The following LRCH3 variants were observed in gnomAD, a reference collection of about 807,000 sequenced individuals.
LRCH3 encodes leucine rich repeats and calponin homology domain containing 3, also known as DISP complex protein LRCH3.
Under a neutral mutation model 104.5 loss-of-function variants are expected in LRCH3, and 68 were observed. The observed-to-expected ratio is 0.65, with a 90% CI of 0.54 to 0.80. The LOEUF (loss-of-function observed/expected upper bound fraction) is 0.80, where lower values mean the gene tolerates loss of function less well. Ranked by LOEUF, LRCH3 falls within the 30% of genes least tolerant of loss-of-function variation. The pLI, the probability that LRCH3 is intolerant of heterozygous loss-of-function variation, is 0.00. For missense variants in LRCH3, 951 were observed against 953.9 expected (o/e 1.00, Z 0.04); for synonymous variants, 344 against 361.3 (o/e 0.95, Z 0.54).
At chr3:197,809,230 A>G (rs1261234927) in intron 1 of LRCH3, among the ~76,000 whole-genome samples, 1 of 151,016 alleles carries the variant, frequency 6.6e-6, no homozygotes, top group African/African-American at 2.4e-5. Context: ...CCCAAGAGGT[A>G]GAGGTTGCAG....
intron 2 of LRCH3, 105 bp downstream of exon 2, chr3:197,815,157 C>A: frequency 1.6e-6 from 1 of 631,398 alleles, no homozygotes; most frequent in Non-Finnish European, 2.5e-6. Flanking sequence ...CTATTCATAT[C>A]AGCAGTTTCT....
At chr3:197,833,694 T>C (rs1736286674) in intron 8 of LRCH3, among the ~76,000 whole-genome samples, 1 of 152,184 alleles carries the variant, frequency 6.6e-6, no homozygotes, top group Non-Finnish European at 1.5e-5. Flanking sequence ...TATTAGACAA[T>C]GTAAAATATT....
chr3:197,872,209 C>T (rs1423134355), intron 19 of LRCH3, among the ~76,000 whole-genome samples: 1 of 151,242 alleles, frequency 6.6e-6, no homozygotes, highest in Admixed American at 6.6e-5. Context: ...ATACAAAAAT[C>T]AGCTGGGTAT....
chr3:197,881,788 T>C, intron 20 of LRCH3: 2 of 985,400 alleles, frequency 2.0e-6, no homozygotes, highest in Non-Finnish European at 2.4e-6. Flanking sequence ...GAAGAGAGAT[T>C]GTGAGGAGCA....
chr3:197,875,925 T>C (rs1282307541), intron 20 of LRCH3, 150 bp downstream of exon 20: 2 of 499,698 alleles, frequency 4.0e-6, no homozygotes, highest in Admixed American at 3.8e-5. Context: ...CAGTGTACTT[T>C]TGAACAGTTT....
At chr3:197,864,905 C>T (rs888185647) in intron 15 of LRCH3, among the ~76,000 whole-genome samples, 2 of 151,742 alleles carry the variant, frequency 1.3e-5, no homozygotes, top group Admixed American at 6.6e-5. Flanking sequence ...CCTGTAGTCT[C>T]AACTACTTGG....
At position 197,847,420 on chromosome 3, in the gene LRCH3, A is replaced by C; in HGVS notation, c.1340A>C (p.Glu447Ala). 6.3e-7 allele frequency: 1 copy of C among 1,598,752 alleles called. No homozygotes were observed. The highest frequency in any genetic ancestry group is 8.5e-7 in the Non-Finnish European group (1 of 1,174,400). ...CTTTTTTGGGTCAGGGTTCCAGCTGAGCCATCTTCCCTCCTGTCACTATCA... is the reference window on the plus strand; with the variant it reads ...CTTTTTTGGGTCAGGGTTCCAGCTGCGCCATCTTCCCTCCTGTCACTATCA... ...RYLHQNRVPA[E>A]PSSLLSLSAS... Residue 447 changes from glutamate to alanine, a missense_variant, in exon 11 of 21, where the codon GAG (glutamate) becomes GCG (alanine). By Grantham distance (107) the Glu-to-Ala change is moderately radical. Transcript: ENST00000425562.
At chr3:197,807,049 A>C (rs1322624827) in intron 1 of LRCH3, among the ~76,000 whole-genome samples, 3 of 150,702 alleles carry the variant, frequency 2.0e-5, no homozygotes, top group African/African-American at 4.9e-5. Context: ...AAAAAAAAAA[A>C]ACAAACAAAC....
intron 18 of LRCH3, among the ~76,000 whole-genome samples, chr3:197,870,989 ATG>A (rs973660470): frequency 3.3e-5 from 5 of 152,132 alleles, no homozygotes; most frequent in Non-Finnish European, 5.9e-5. Context: ...AATAATTTAT[ATG>A]TGTGTGCACA....
chr3:197,808,774 C>G (rs968525691), intron 1 of LRCH3, among the ~76,000 whole-genome samples: 1 of 152,020 alleles, frequency 6.6e-6, no homozygotes, highest in Non-Finnish European at 1.5e-5. Flanking sequence ...CATGGTGGCA[C>G]ATGCCTGTAG....
chr3:197,797,286 G>C (rs561448858), intron 1 of LRCH3, among the ~76,000 whole-genome samples: 7 of 122,604 alleles, frequency 5.7e-5, no homozygotes, highest in African/African-American at 2.2e-4. Context: ...CTGAGATCAC[G>C]CCATTGCACT....
chr3:197,866,300 C>A, intron 17 of LRCH3, 81 bp downstream of exon 17: 2 of 950,054 alleles, frequency 2.1e-6, no homozygotes, highest in Non-Finnish European at 3.4e-6. Context: ...TGCTTTTAAA[C>A]TTCTGCATAT....
chr3:197,840,341 CCTGTAGT>C (rs1354147600), intron 10 of LRCH3, among the ~76,000 whole-genome samples: 1 of 152,156 alleles, frequency 6.6e-6, no homozygotes, highest in Non-Finnish European at 1.5e-5. Context: ...GTGGCACATG[CCTGTAGT>C]CTCCAGGCTG....
intron 1 of LRCH3, among the ~76,000 whole-genome samples, chr3:197,794,978 C>T (rs1731027077): frequency 6.6e-6 from 1 of 151,366 alleles, no homozygotes; most frequent in Non-Finnish European, 1.5e-5. Context: ...GCACTCCAGC[C>T]TGGGTGACAG....
chr3:197,825,408 C>CCTT (rs1168066596), intron 4 of LRCH3, among the ~76,000 whole-genome samples: 3 of 147,174 alleles, frequency 2.0e-5, no homozygotes, highest in Non-Finnish European at 4.5e-5. Flanking sequence ...TTCTCTGTCC[C>CCTT]CTTTTTGAAT....
chr3:197,827,711 C>T (rs552432631), intron 5 of LRCH3, among the ~76,000 whole-genome samples: 1 of 151,910 alleles, frequency 6.6e-6, no homozygotes, highest in African/African-American at 2.4e-5. Flanking sequence ...TAGTTAATTT[C>T]TTAATTTTTT....
chr3:197,879,460 CAT>C (rs1560062862), intron 20 of LRCH3, among the ~76,000 whole-genome samples: 3 of 151,174 alleles, frequency 2.0e-5, no homozygotes, highest in Non-Finnish European at 2.9e-5. Flanking sequence ...TCCTGGCTAA[CAT>C]GGTGAAACCC....
chr3:197,843,206 A>G (rs1282983863), intron 10 of LRCH3, among the ~76,000 whole-genome samples: 1 of 152,202 alleles, frequency 6.6e-6, no homozygotes, highest in African/African-American at 2.4e-5. Context: ...AAGAAGCAAT[A>G]TAGAATTAAC....
chr3:197,841,938 T>C (rs1737864087), intron 10 of LRCH3, among the ~76,000 whole-genome samples: 1 of 152,064 alleles, frequency 6.6e-6, no homozygotes, highest in African/African-American at 2.4e-5. Flanking sequence ...GCTCAAGCAA[T>C]CCTCCCACCT....
Sources: gnomAD v4.1 joint callset for allele counts (sites outside exome capture counted in the v4.1 genomes callset) on GRCh38, gnomAD v4.1.1 for gene constraint, MANE v1.5 for transcripts, NCBI Gene and HGNC (gene_info 2026-07-23, HGNC 2026-07-21) for gene names.